The following STPG2 variants were observed in gnomAD, a reference collection of about 807,000 sequenced individuals.
STPG2 encodes the protein sperm-tail PG-rich repeat-containing protein 2.
STPG2 carries 56 observed loss-of-function variants against 54.2 expected under a neutral mutation model. The observed-to-expected ratio is 1.03, with a 90% CI of 0.83 to 1.29. The LOEUF (loss-of-function observed/expected upper bound fraction) is 1.29. Among genes scored for constraint, STPG2 ranks in the 50% most tolerant of loss-of-function variants. STPG2 has a pLI of 0.00. For synonymous variants in STPG2, 200 were observed against 181.8 expected, an observed-to-expected ratio of 1.10 and a Z score of -0.81; for missense variants, 596 against 544.9, an observed-to-expected ratio of 1.09 and a Z score of -0.93.
chr4:98,027,287 G>A lies in STPG2; in HGVS notation c.613-45969C>T, dbSNP rs75527065. 4.6e-3 allele frequency among the ~76,000 whole-genome samples: 694 copies of A among 152,180 alleles called. 29 individuals carry two copies. In the East Asian group the frequency reaches 0.1, roughly 23 times the overall value. Reference sequence around the variant, plus strand: ...TTCCAGGGATTAGGATATGAACATCGTTAGGGGGATATAATTCTACCACAG... The same window carrying A: ...TTCCAGGGATTAGGATATGAACATCATTAGGGGGATATAATTCTACCACAG... On this transcript the variant is annotated intron_variant, in intron 5 of 10. Coordinates refer to ENST00000295268, the MANE Select transcript of STPG2 (RefSeq NM_174952.3).
intron 4 of STPG2, among the ~76,000 whole-genome samples, chr4:97,461,497 A>G (rs1163284443): frequency 6.6e-6 from 1 of 152,196 alleles, no homozygotes; most frequent in African/African-American, 2.4e-5. Context: ...CTTTCTTTTC[A>G]TCATGTGAGA....
intron 3 of STPG2, among the ~76,000 whole-genome samples, chr4:98,123,846 G>A (rs1397034435): frequency 1.3e-5 from 2 of 152,086 alleles, no homozygotes; most frequent in Non-Finnish European, 2.9e-5. Context: ...CTAAGAACTT[G>A]CTTTATGAAT....
At chr4:97,935,627 T>C (rs1041214756) in intron 8 of STPG2, among the ~76,000 whole-genome samples, 1 of 152,182 alleles carries the variant, frequency 6.6e-6, no homozygotes, top group Non-Finnish European at 1.5e-5. Context: ...TCTGCCTTAA[T>C]TTCATTATTT....
intron 4 of STPG2, among the ~76,000 whole-genome samples, chr4:98,107,288 A>C (rs1450961844): frequency 6.6e-6 from 1 of 152,152 alleles, no homozygotes; most frequent in African/African-American, 2.4e-5. Flanking sequence ...CTCACTAAAT[A>C]AAACAAAAAG....
chr4:98,117,770 T>C (rs551865664), intron 3 of STPG2, among the ~76,000 whole-genome samples: 1 of 152,236 alleles, frequency 6.6e-6, no homozygotes, highest in South Asian at 2.1e-4. Context: ...TTCTACTCGG[T>C]TTGTTTTTAT....
chr4:97,587,899 C>G (rs1418533401), intron 10 of STPG2, among the ~76,000 whole-genome samples: 1 of 151,790 alleles, frequency 6.6e-6, no homozygotes, highest in African/African-American at 2.4e-5. Context: ...TACAGGGATC[C>G]CTAAATAAAA....
intron 8 of STPG2, among the ~76,000 whole-genome samples, chr4:97,924,890 A>C (rs1176812202): frequency 6.6e-6 from 1 of 152,198 alleles, no homozygotes; most frequent in Non-Finnish European, 1.5e-5. Context: ...TTTCTACCAA[A>C]CAATGACTTG....
chr4:98,007,043 T>A (rs1735598760), intron 5 of STPG2, among the ~76,000 whole-genome samples: 1 of 152,200 alleles, frequency 6.6e-6, no homozygotes, highest in Non-Finnish European at 1.5e-5. Context: ...TGGATTTGCC[T>A]GGTCCAGCTC....
chr4:98,017,943 T>C (rs1736021754), intron 5 of STPG2, among the ~76,000 whole-genome samples: 1 of 152,196 alleles, frequency 6.6e-6, no homozygotes, highest in Non-Finnish European at 1.5e-5. Flanking sequence ...TCTGCCATGA[T>C]TGTAAGTTTC....
rs536421263 is a variant in STPG2, at chr4:97,686,384, G to T, written c.1320+26315C>A. On this transcript the variant is annotated intron_variant, in intron 10 of 10. Transcript: ENST00000295268. The stretch of plus-strand genomic sequence containing the variant: ...TAGAAACTCTCTGGGCATGGCTAAG[G>T]CTTCTCAGCCTAATCTTGGATGTTG... Among the ~76,000 whole-genome samples the T allele has an allele frequency of 2.6e-5, 4 of 152,182 alleles. No homozygotes were observed. In the East Asian group the frequency reaches 7.7e-4, roughly 29 times the overall value.
intron 5 of STPG2, among the ~76,000 whole-genome samples, chr4:98,079,343 C>T (rs1186109340): frequency 2.6e-5 from 4 of 152,154 alleles, no homozygotes; most frequent in Admixed American, 6.6e-5. Flanking sequence ...AATAATGATC[C>T]ATCTGTTCAC....
At chr4:97,528,320 C>T (rs995800061) in intron 4 of STPG2, among the ~76,000 whole-genome samples, 11 of 151,982 alleles carry the variant, frequency 7.2e-5, no homozygotes, top group Admixed American at 3.3e-4. Flanking sequence ...AGATGTGTGG[C>T]ACTATTTCTG....
chr4:98,137,646 GT>G (rs1333250814), intron 1 of STPG2, among the ~76,000 whole-genome samples: 1 of 151,766 alleles, frequency 6.6e-6, no homozygotes, highest in African/African-American at 2.4e-5. Context: ...TTCTGAGGTA[GT>G]TGGCATCAGA....
intron 4 of STPG2, among the ~76,000 whole-genome samples, chr4:97,534,506 A>G (rs1731485548): frequency 6.6e-6 from 1 of 152,154 alleles, no homozygotes; most frequent in South Asian, 2.1e-4. Context: ...TATATTCAGT[A>G]TCTCCAGCAA....
chr4:97,758,414 C>T (rs956938036), intron 9 of STPG2, among the ~76,000 whole-genome samples: 2 of 152,178 alleles, frequency 1.3e-5, no homozygotes, highest in African/African-American at 2.4e-5. Flanking sequence ...AAATGTGGCA[C>T]ATATACACCA....
chr4:97,968,560 C>A (rs1734202454), intron 7 of STPG2, among the ~76,000 whole-genome samples: 2 of 152,206 alleles, frequency 1.3e-5, no homozygotes, highest in African/African-American at 4.8e-5. Flanking sequence ...AAACCAAATC[C>A]AGCAGCATAT....
intron 9 of STPG2, among the ~76,000 whole-genome samples, chr4:97,810,326 T>C (rs752291336): frequency 1.3e-5 from 2 of 150,818 alleles, no homozygotes; most frequent in Non-Finnish European, 3.0e-5. Context: ...TATCTGAGAG[T>C]GGTGGTGTGT....
At chr4:98,139,623 C>T (rs545344600) in intron 1 of STPG2, among the ~76,000 whole-genome samples, 1 of 151,868 alleles carries the variant, frequency 6.6e-6, no homozygotes, top group African/African-American at 2.4e-5. Flanking sequence ...AGAGAAATCA[C>T]TAAAGAGATA....
chr4:98,064,439 T>C (rs943627229), intron 5 of STPG2, among the ~76,000 whole-genome samples: 4 of 152,196 alleles, frequency 2.6e-5, no homozygotes, highest in Non-Finnish European at 4.4e-5. Context: ...TAATCTATCA[T>C]ACATCAACCT....
Sources: allele counts gnomAD v4.1 joint callset (sites outside exome capture counted in the v4.1 genomes callset), GRCh38; gene constraint gnomAD v4.1.1; transcripts MANE v1.5; gene names NCBI Gene and HGNC (gene_info 2026-07-23, HGNC 2026-07-21).